SGCD: variants seen among roughly 807,000 people sequenced by gnomAD.
SGCD encodes the protein delta-sarcoglycan.
A neutral mutation model predicts 36.6 loss-of-function variants in SGCD; 18 were observed. That is an observed-to-expected ratio of 0.49 (90% CI 0.34 to 0.73). The LOEUF (loss-of-function observed/expected upper bound fraction) is 0.73, where lower values mean the gene tolerates loss of function less well. Ranked by LOEUF, SGCD falls within the 30% of genes least tolerant of loss-of-function variation. The pLI is 0.01. For missense variants in SGCD, 387 were observed against 346.7 expected, an observed-to-expected ratio of 1.12 and a Z score of -0.92; for synonymous variants, 133 against 130.6, an observed-to-expected ratio of 1.02 and a Z score of -0.12.
chr5:156,315,911 T>C (rs1156645389), intron 3 of SGCD, among the ~76,000 whole-genome samples: 2 of 151,970 alleles, frequency 1.3e-5, no homozygotes, highest in African/African-American at 4.8e-5. Context: ...CTTACCAAGT[T>C]TTATGAGTTC....
chr5:156,319,828 T>A (rs112574393), intron 3 of SGCD, among the ~76,000 whole-genome samples: 7 of 152,344 alleles, frequency 4.6e-5, no homozygotes, highest in African/African-American at 1.7e-4. Context: ...TCCTTTTACA[T>A]CAGAATACGC....
intron 1 of SGCD, among the ~76,000 whole-genome samples, chr5:155,986,970 G>A (rs1758345242): frequency 6.6e-6 from 1 of 152,088 alleles, no homozygotes; most frequent in Non-Finnish European, 1.5e-5. Context: ...TGGCAAAAGG[G>A]CTGGAAATCA....
chr5:156,032,591 G>A (rs368398714), intron 1 of SGCD, among the ~76,000 whole-genome samples: 27 of 151,096 alleles, frequency 1.8e-4, no homozygotes, highest in Non-Finnish European at 3.4e-4. Flanking sequence ...GGTGGCAGGC[G>A]CCGGTATTCT....
At chr5:156,682,606 G>T (rs991625747) in intron 7 of SGCD, among the ~76,000 whole-genome samples, 5 of 152,312 alleles carry the variant, frequency 3.3e-5, no homozygotes, top group Middle Eastern at 3.4e-3. Flanking sequence ...AAGACAAAAA[G>T]AATGTAGTAT....
At chr5:156,571,964 T>C (rs1395585104) in intron 4 of SGCD, among the ~76,000 whole-genome samples, 2 of 152,192 alleles carry the variant, frequency 1.3e-5, no homozygotes, top group Non-Finnish European at 1.5e-5. Flanking sequence ...CTTGTGGAAT[T>C]GCCTACTCTG....
chr5:156,715,799 G>A (rs1755195958), intron 7 of SGCD, among the ~76,000 whole-genome samples: 1 of 152,148 alleles, frequency 6.6e-6, no homozygotes, highest in Non-Finnish European at 1.5e-5. Flanking sequence ...TCATATTGAT[G>A]CTCTGTGCAG....
intron 3 of SGCD, among the ~76,000 whole-genome samples, chr5:156,377,882 G>A (rs1173241374): frequency 6.6e-6 from 1 of 152,140 alleles, no homozygotes; most frequent in African/African-American, 2.4e-5. Context: ...CAAGGTCTAT[G>A]GATTGTGTTT....
chr5:155,969,966 A>G (rs1473705271), intron 1 of SGCD, among the ~76,000 whole-genome samples: 1 of 152,004 alleles, frequency 6.6e-6, no homozygotes, highest in Non-Finnish European at 1.5e-5. Context: ...TTCGTTTTGA[A>G]AAATGAAAGT....
intron 7 of SGCD, among the ~76,000 whole-genome samples, chr5:156,750,478 G>C (rs988524624): frequency 1.3e-5 from 2 of 152,072 alleles, no homozygotes; most frequent in Non-Finnish European, 2.9e-5. Flanking sequence ...TTGAGTTCAA[G>C]ATCAGGCTGG....
At chr5:155,779,919 A>C in the SGCD span, among the ~76,000 whole-genome samples, 5 of 152,144 alleles carry the variant, frequency 3.3e-5, no homozygotes, top group Non-Finnish European at 5.9e-5. Flanking sequence ...GTACTTTCTC[A>C]TATCTACTGG....
the SGCD span, among the ~76,000 whole-genome samples, chr5:155,810,918 C>T: frequency 7.8e-6 from 1 of 127,438 alleles, no homozygotes; most frequent in Non-Finnish European, 1.6e-5. Flanking sequence ...CCCAGGTTCA[C>T]GCCATTCTCC....
intron 3 of SGCD, among the ~76,000 whole-genome samples, chr5:156,126,901 A>C (rs1193897223): frequency 1.3e-5 from 2 of 152,224 alleles, no homozygotes; most frequent in Non-Finnish European, 2.9e-5. Flanking sequence ...CAGGCTTACT[A>C]TTTGACTTTA....
chr5:156,487,403 A>T (rs1755724379), intron 3 of SGCD, among the ~76,000 whole-genome samples: 2 of 152,230 alleles, frequency 1.3e-5, no homozygotes, highest in Non-Finnish European at 2.9e-5. Flanking sequence ...ATCCACTGTT[A>T]CACCAGATGT....
At chr5:156,468,163 A>G (rs551267916) in intron 3 of SGCD, among the ~76,000 whole-genome samples, 2 of 152,168 alleles carry the variant, frequency 1.3e-5, no homozygotes, top group African/African-American at 4.8e-5. Context: ...AGCCTGGGCA[A>G]CATAATGAGA....
intron 1 of SGCD, among the ~76,000 whole-genome samples, chr5:156,110,576 A>G (rs1257806081): frequency 2.0e-5 from 3 of 152,116 alleles, no homozygotes; most frequent in African/African-American, 7.2e-5. Flanking sequence ...TAGCATAAGC[A>G]AAATGAATTT....
intron 1 of SGCD, among the ~76,000 whole-genome samples, chr5:155,937,786 G>A (rs1581000408): frequency 6.6e-6 from 1 of 152,228 alleles, no homozygotes; most frequent in Admixed American, 6.5e-5. Context: ...ACTGTGCAAT[G>A]TGTTATTGGA....
At chr5:156,108,558 G>C (rs1581103530) in intron 1 of SGCD, among the ~76,000 whole-genome samples, 1 of 151,978 alleles carries the variant, frequency 6.6e-6, no homozygotes, top group East Asian at 1.9e-4. Context: ...CAAATATATG[G>C]AATATATCTT....
the SGCD span, among the ~76,000 whole-genome samples, chr5:155,761,893 C>T: frequency 1.1e-4 from 16 of 152,112 alleles, no homozygotes; most frequent in East Asian, 1.9e-4. Context: ...TTGTCCTTAC[C>T]GTTATTGTCA....
the SGCD span, among the ~76,000 whole-genome samples, chr5:155,793,838 C>T: frequency 1.4e-4 from 21 of 151,632 alleles, no homozygotes; most frequent in African/African-American, 2.2e-4. Context: ...GATGAGCCAC[C>T]GCGCTCATCC....
Sources: gnomAD v4.1 joint callset for allele counts (sites outside exome capture counted in the v4.1 genomes callset) on GRCh38, gnomAD v4.1.1 for gene constraint, MANE v1.5 for transcripts, NCBI Gene and HGNC (gene_info 2026-07-23, HGNC 2026-07-21) for gene names.